DMD: variants seen among roughly 807,000 people sequenced by gnomAD.
DMD encodes mutant dystrophin.
A neutral mutation model predicts 330.1 loss-of-function variants in DMD; 63 were observed. That is an observed-to-expected ratio of 0.19 (90% confidence interval 0.16 to 0.24). The LOEUF (loss-of-function observed/expected upper bound fraction) is 0.24, where lower values mean the gene tolerates loss of function less well. DMD is among the 10% of genes least tolerant of loss of function. The pLI, the probability that DMD is intolerant of heterozygous loss-of-function variation, is 1.00. For synonymous variants in DMD, 1,223 were observed against 959.8 expected (o/e 1.27, Z -5.07); for missense variants, 3,344 against 2,684.1 (o/e 1.25, Z -5.43).
At chrX:32,895,767 A>G (rs1253346139) in intron 2 of DMD, among the ~76,000 whole-genome samples, 3 of 111,182 alleles carry the variant, frequency 2.7e-5, no homozygotes, top group Non-Finnish European at 5.7e-5. Flanking sequence ...GGTGGTAGAG[A>G]GAATTCTGAT....
In DMD at chrX:32,517,865, C is replaced by CTT. The variant is rs2046010843; in HGVS notation, c.2292+142_2292+143insAA. 2.1e-5 allele frequency: 15 copies of CTT among 700,573 alleles called. No individual in the cohort carries two copies. In the South Asian group the frequency reaches 3.4e-4, roughly 16 times the overall value. The allele number at this position is 700,573 out of a possible 1,213,427, so 57.7% of individuals were successfully genotyped here. On this transcript the variant is annotated intron_variant, in intron 18 of 78. Transcript: ENST00000357033. ...GCTAAACTTTGATTTTGCTTGCTAT[C>CTT]TAAAATATATTTTTAAGACATATTA...
intron 55 of DMD, among the ~76,000 whole-genome samples, chrX:31,580,672 C>A (rs1325365509): frequency 8.9e-6 from 1 of 111,981 alleles, no homozygotes; most frequent in Non-Finnish European, 1.9e-5. Flanking sequence ...GATTTACCAT[C>A]CACTGTTACC....
intron 21 of DMD, among the ~76,000 whole-genome samples, chrX:32,475,217 C>T (rs1326778307): frequency 1.8e-5 from 2 of 111,118 alleles, no homozygotes; most frequent in African/African-American, 3.3e-5. Flanking sequence ...GGTCTATGTG[C>T]CTATATTTAT....
chrX:31,389,450 GGCA>G (rs2060598265), intron 60 of DMD, among the ~76,000 whole-genome samples: 1 of 111,826 alleles, frequency 8.9e-6, no homozygotes, highest in Non-Finnish European at 1.9e-5. Context: ...AACCACTCTA[GGCA>G]GCTGATATCA....
intron 2 of DMD, among the ~76,000 whole-genome samples, chrX:32,957,992 G>C (rs1469812570): frequency 8.9e-6 from 1 of 111,814 alleles, no homozygotes; most frequent in Non-Finnish European, 1.9e-5. Context: ...ATAAATCTTT[G>C]TGTTAATTTT....
intron 45 of DMD, among the ~76,000 whole-genome samples, chrX:31,961,740 G>GTTTGTTTTTTTTTTTTT (rs1557033672): frequency 1.3e-5 from 1 of 75,640 alleles, no homozygotes; most frequent in African/African-American, 5.3e-5. Flanking sequence ...AAAGGAAGCG[G>GTTTGTTTTTTTTTTTTT]TTTTTTTTTT....
At chrX:33,291,434 G>A (rs1458957762) in intron 1 of DMD, among the ~76,000 whole-genome samples, 2 of 110,711 alleles carry the variant, frequency 1.8e-5, no homozygotes, top group Non-Finnish European at 1.9e-5. Flanking sequence ...AGAAATAAAG[G>A]GTATTCAAAT....
intron 2 of DMD, among the ~76,000 whole-genome samples, chrX:33,009,054 CTA>C (rs2093487108): frequency 1.2e-5 from 1 of 86,634 alleles, no homozygotes; most frequent in South Asian, 5.4e-4. Flanking sequence ...GTATATGTGT[CTA>C]TATGCATACA....
intron 40 of DMD, chrX:32,342,899 T>C: frequency 2.3e-6 from 1 of 439,712 alleles, no homozygotes; most frequent in East Asian, 4.8e-5. Flanking sequence ...AGAAAACACA[T>C]CACATTTCTT....
chrX:32,132,956 T>A (rs957047143), intron 44 of DMD, among the ~76,000 whole-genome samples: 1 of 107,899 alleles, frequency 9.3e-6, no homozygotes, highest in Non-Finnish European at 1.9e-5. Flanking sequence ...CACACTTTTG[T>A]TTTTCTTCCC....
At chrX:33,046,589 C>T (rs2094385613) in intron 1 of DMD, among the ~76,000 whole-genome samples, 1 of 112,181 alleles carries the variant, frequency 8.9e-6, no homozygotes, top group Non-Finnish European at 1.9e-5. Flanking sequence ...CCCAGGATAA[C>T]ATCAAGTGAC....
intron 47 of DMD, among the ~76,000 whole-genome samples, chrX:31,907,588 C>A (rs755541866): frequency 1.8e-5 from 2 of 112,047 alleles, no homozygotes; most frequent in East Asian, 2.8e-4. Flanking sequence ...TAAAGACTTA[C>A]ATGTTAGACC....
intron 2 of DMD, among the ~76,000 whole-genome samples, chrX:32,885,850 C>T (rs1042118434): frequency 2.0e-5 from 1 of 51,269 alleles, no homozygotes; most frequent in Admixed American, 1.9e-4. Flanking sequence ...AAAAAAAAAA[C>T]CTTTCCTTTC....
intron 18 of DMD, among the ~76,000 whole-genome samples, chrX:32,505,254 A>G (rs896713869): frequency 2.7e-5 from 3 of 112,343 alleles, no homozygotes; most frequent in African/African-American, 9.7e-5. Context: ...CAAAGAAAAT[A>G]TTTACGAAAG....
At chrX:32,461,465 C>G (rs1025540288) in intron 25 of DMD, among the ~76,000 whole-genome samples, 1 of 111,189 alleles carries the variant, frequency 9.0e-6, no homozygotes, top group African/African-American at 3.3e-5. Flanking sequence ...CAGAACATAG[C>G]TTGGATCTAT....
intron 2 of DMD, among the ~76,000 whole-genome samples, chrX:32,873,105 T>C (rs1276784127): frequency 1.8e-5 from 2 of 111,481 alleles, no homozygotes; most frequent in African/African-American, 6.5e-5. Flanking sequence ...TTTTGATTGC[T>C]ATGCAATTCC....
intron 2 of DMD, among the ~76,000 whole-genome samples, chrX:33,016,865 G>A (rs7883197): frequency 9.0e-5 from 10 of 111,251 alleles, no homozygotes; most frequent in East Asian, 2.8e-4. Context: ...TTATTAAGCC[G>A]GCATGGATGA....
intron 54 of DMD, among the ~76,000 whole-genome samples, chrX:31,635,243 C>A (rs1246430893): frequency 4.5e-5 from 5 of 111,659 alleles, no homozygotes; most frequent in Non-Finnish European, 9.4e-5. Context: ...TTGTATAATG[C>A]GAATTTTTAA....
At chrX:32,741,566 C>T (rs2069276338) in intron 7 of DMD, among the ~76,000 whole-genome samples, 1 of 111,390 alleles carries the variant, frequency 9.0e-6, no homozygotes, top group Admixed American at 9.6e-5. Context: ...TAATAGCTGC[C>T]TTAAGATAGA....
Sources: gnomAD v4.1 joint callset for allele counts (sites outside exome capture counted in the v4.1 genomes callset) on GRCh38, gnomAD v4.1.1 for gene constraint, MANE v1.5 for transcripts, NCBI Gene and HGNC (gene_info 2026-07-23, HGNC 2026-07-21) for gene names.